DENND5B: variants seen among roughly 807,000 people sequenced by gnomAD.
The protein encoded by DENND5B is DENN domain containing 5B, also known as DENN domain-containing protein 5B.
Under a neutral mutation model 140.6 loss-of-function variants are expected in DENND5B, and 34 were observed. The ratio of observed to expected loss-of-function variants is 0.24; its 90% CI spans 0.18 to 0.32. DENND5B has a LOEUF of 0.32. DENND5B is among the 10% of genes least tolerant of loss of function. The pLI, the probability that DENND5B is intolerant of heterozygous loss-of-function variation, is 1.00. For synonymous variants in DENND5B, 551 were observed against 562.1 expected (o/e 0.98, Z 0.28); for missense variants, 1,142 against 1,560.2 (o/e 0.73, Z 4.52).
intron 4 of DENND5B, among the ~76,000 whole-genome samples, chr12:31,458,967 T>C (rs1591829403): frequency 6.6e-6 from 1 of 151,986 alleles, no homozygotes; most frequent in Non-Finnish European, 1.5e-5. Flanking sequence ...AATCCCAGCA[T>C]TTTGGGAGGC....
rs1944553492 is a variant in DENND5B at position 31,452,014 on chromosome 12, C to T, written c.1555G>A (p.Ala519Thr). The T allele has an allele frequency of 6.2e-7, 1 of 1,613,632 alleles. No homozygotes were observed. ...TCCTGGGCAGTCTGAATGACAAATG[C>T]TTCGTAATCTGCAAACATCTGTGTA... ...RFTQMFADYE[A>T]FVIQTAQDME... is the part of the protein sequence containing the mutation. The change falls in exon 5 of 21, where the codon GCA becomes ACA. Residue 519 changes from alanine to threonine, a missense_variant. Physicochemically the swap from Ala to Thr is moderately conservative, Grantham distance 58 (BLOSUM62 0). Around this residue, in one of 5 missense-constraint regions of DENND5B, gnomAD observed 708 missense variants for 905.5 expected, o/e 0.78. Transcript: ENST00000389082.
chr12:31,484,733 G>A lies in DENND5B; in HGVS notation c.238-4478C>T, dbSNP rs138755082. On this transcript the variant is annotated intron_variant, in intron 2 of 20. Transcript: ENST00000389082. The stretch of plus-strand genomic sequence containing the variant: ...GGAGAATTGCTTGAACCTGGGAGGC[G>A]GAGGTTGCAGTGAGCCGAGATTGTG... 2.7e-3 allele frequency among the ~76,000 whole-genome samples: 413 copies of A among 152,122 alleles called. 1 individual carries two copies. Among genetic ancestry groups the A allele is most frequent in the East Asian group, 0.021 (108 of 5,158 alleles).
intron 17 of DENND5B, among the ~76,000 whole-genome samples, chr12:31,395,914 A>G (rs998118992): frequency 2.1e-5 from 3 of 146,284 alleles, no homozygotes; most frequent in Non-Finnish European, 4.5e-5. Context: ...GTTGCAGGCC[A>G]GAAGTCAAAA....
At chr12:31,483,213 T>G (rs1007358088) in intron 2 of DENND5B, among the ~76,000 whole-genome samples, 19 of 152,200 alleles carry the variant, frequency 1.2e-4, no homozygotes, top group African/African-American at 4.3e-4. Context: ...TCACTCTCCT[T>G]GAACCTGGGT....
intron 3 of DENND5B, among the ~76,000 whole-genome samples, chr12:31,468,771 T>C (rs1463246020): frequency 6.6e-6 from 1 of 151,988 alleles, no homozygotes; most frequent in Non-Finnish European, 1.5e-5. Context: ...TAGATCGTGC[T>C]ACTGCACTCC....
chr12:31,408,404 G>C (rs1040962114), intron 14 of DENND5B, among the ~76,000 whole-genome samples: 16 of 147,364 alleles, frequency 1.1e-4, no homozygotes, highest in African/African-American at 4.0e-4. Flanking sequence ...AGGCAGGTGG[G>C]TCACTTGAGG....
chr12:31,518,645 T>C (rs1391014265), intron 1 of DENND5B, among the ~76,000 whole-genome samples: 1 of 152,138 alleles, frequency 6.6e-6, no homozygotes, highest in East Asian at 1.9e-4. Context: ...AAGCTTTTAG[T>C]ACTGTATATT....
chr12:31,569,274 G>A (rs1949733914), intron 1 of DENND5B, among the ~76,000 whole-genome samples: 1 of 151,946 alleles, frequency 6.6e-6, no homozygotes, highest in African/African-American at 2.4e-5. Context: ...TCACCATGCT[G>A]CGCAGGCTGG....
intron 13 of DENND5B, among the ~76,000 whole-genome samples, chr12:31,410,340 G>A (rs904224279): frequency 6.6e-6 from 1 of 152,158 alleles, no homozygotes; most frequent in Non-Finnish European, 1.5e-5. Context: ...TGTTTTATAG[G>A]TATTAATACA....
intron 3 of DENND5B, among the ~76,000 whole-genome samples, chr12:31,464,758 G>A (rs1321568717): frequency 1.3e-5 from 2 of 151,802 alleles, no homozygotes; most frequent in African/African-American, 2.4e-5. Context: ...AAGGGGTTTC[G>A]CCATGTTGGC....
rs148389959 is a variant in DENND5B at position 31,586,886 on chromosome 12, T to G, written c.127+3820A>C. 9.9e-3 allele frequency among the ~76,000 whole-genome samples: 1,507 copies of G among 152,306 alleles called. 27 individuals carry two copies. The highest frequency in any genetic ancestry group is 0.035 in the African/African-American group (1,441 of 41,568). On this transcript the variant is annotated intron_variant, in intron 1 of 20. Transcript: ENST00000389082. ...ACTTGACTATCATTAACTTTGAAAT[T>G]AATGCAGCAAAACAGAAACTACCTT...
Position 31,385,561 on chromosome 12 carries a change from A to G in DENND5B, c.*2042T>C, listed in dbSNP as rs1007051730. Reference sequence around the variant, plus strand: ...GCCCAGTGTAAAACAGGTTCTGGATATCTCCCACGATAAACTTCCCATGTC... The same window carrying G: ...GCCCAGTGTAAAACAGGTTCTGGATGTCTCCCACGATAAACTTCCCATGTC... On this transcript the variant is annotated 3_prime_UTR_variant, in exon 21 of 21. Transcript: ENST00000389082. 6.6e-6 allele frequency: 1 copy of G among 152,292 alleles called. No homozygotes were observed. The highest frequency in any genetic ancestry group is 6.5e-5 in the Admixed American group (1 of 15,278). 9.4% of individuals were successfully genotyped at this position (152,292 alleles called of 1,614,324 possible).
At chr12:31,556,764 A>G (rs2139295414) in intron 1 of DENND5B, among the ~76,000 whole-genome samples, 1 of 152,296 alleles carries the variant, frequency 6.6e-6, no homozygotes, top group Middle Eastern at 3.4e-3. Context: ...CAAAATACAC[A>G]CTGAAGTGTA....
chr12:31,517,878 T>C (rs1250803387), intron 1 of DENND5B, among the ~76,000 whole-genome samples: 2 of 152,228 alleles, frequency 1.3e-5, no homozygotes, highest in South Asian at 2.1e-4. Flanking sequence ...GTTTATCCTT[T>C]ACTGTGCCTT....
intron 1 of DENND5B, among the ~76,000 whole-genome samples, chr12:31,536,686 A>C (rs1266153266): frequency 6.6e-6 from 1 of 152,144 alleles, no homozygotes; most frequent in Non-Finnish European, 1.5e-5. Flanking sequence ...CAAAGAAATA[A>C]TAGCAGAAAC....
intron 6 of DENND5B, among the ~76,000 whole-genome samples, chr12:31,444,733 C>T (rs182190279): frequency 6.6e-6 from 1 of 152,274 alleles, no homozygotes; most frequent in Admixed American, 6.5e-5. Flanking sequence ...TGCAACAAGG[C>T]ATTATGCTAT....
intron 1 of DENND5B, among the ~76,000 whole-genome samples, chr12:31,515,371 C>CATT (rs991413076): frequency 3.5e-4 from 53 of 151,944 alleles, no homozygotes; most frequent in Non-Finnish European, 3.8e-4. Flanking sequence ...TTTAAATTAT[C>CATT]ATTATTATTA....
chr12:31,564,297 T>A (rs965248049), intron 1 of DENND5B, among the ~76,000 whole-genome samples: 1 of 152,018 alleles, frequency 6.6e-6, no homozygotes, highest in Non-Finnish European at 1.5e-5. Context: ...ATTGATTACA[T>A]CCTCAGCAAC....
intron 1 of DENND5B, among the ~76,000 whole-genome samples, chr12:31,500,220 A>G (rs1452443151): frequency 6.6e-6 from 1 of 152,244 alleles, no homozygotes; most frequent in African/African-American, 2.4e-5. Flanking sequence ...GTATGACAGT[A>G]AGACTAAATG....
Sources: allele counts gnomAD v4.1 joint callset (sites outside exome capture counted in the v4.1 genomes callset), GRCh38; gene constraint gnomAD v4.1.1; regional missense constraint gnomAD v4.1.1; transcripts MANE v1.5; gene names NCBI Gene and HGNC (gene_info 2026-07-23, HGNC 2026-07-21).